The following LEPR variants were observed in gnomAD, a reference collection of about 807,000 sequenced individuals.
LEPR encodes leptin receptor, also known as OB receptor.
Under a neutral mutation model 114.7 loss-of-function variants are expected in LEPR, and 56 were observed. That is an observed-to-expected ratio of 0.49 (90% CI 0.39 to 0.61). The LOEUF (loss-of-function observed/expected upper bound fraction) is 0.61, where lower values mean the gene tolerates loss of function less well. LEPR is among the 20% of genes least tolerant of loss of function. The pLI is 0.00. For synonymous variants in LEPR, 443 were observed against 461.4 expected, an observed-to-expected ratio of 0.96 and a Z score of 0.51; for missense variants, 1,202 against 1,352.9, an observed-to-expected ratio of 0.89 and a Z score of 1.75.
At chr1:65,488,970 A>G (rs1044239056) in intron 2 of LEPR, among the ~76,000 whole-genome samples, 3 of 152,144 alleles carry the variant, frequency 2.0e-5, no homozygotes, top group Non-Finnish European at 1.5e-5. Context: ...TTATTGCTGA[A>G]TAATACTTCA....
chr1:65,459,122 GA>G (rs1246900695), intron 2 of LEPR, among the ~76,000 whole-genome samples: 2 of 152,170 alleles, frequency 1.3e-5, no homozygotes, highest in South Asian at 2.1e-4. Context: ...AGTGTAGAAA[GA>G]TTTTTTTTGT....
rs372021655 is a variant in LEPR at position 65,609,928 on chromosome 1, G to A, written c.1753-19G>A. On this transcript the variant is annotated intron_variant, in intron 12 of 19. Transcript: ENST00000349533. Reference sequence around the variant, plus strand: ...ATGTGTTGGTAATGATCAATCTAATGCTTTGACTTATTTTACAGATGTATG... The same window carrying A: ...ATGTGTTGGTAATGATCAATCTAATACTTTGACTTATTTTACAGATGTATG... 17 of 1,613,986 alleles carry A rather than the reference G, an allele frequency of 1.1e-5. No homozygotes were observed. In the African/African-American group the frequency reaches 1.1e-4, roughly 10 times the overall value.
chr1:65,607,261 T>C (rs1017719130), intron 11 of LEPR, among the ~76,000 whole-genome samples: 1 of 152,206 alleles, frequency 6.6e-6, no homozygotes, highest in Non-Finnish European at 1.5e-5. Context: ...GCTTCCCTTT[T>C]TGCTACTGCA....
intron 6 of LEPR, among the ~76,000 whole-genome samples, chr1:65,595,599 T>G (rs1656011741): frequency 6.6e-6 from 1 of 152,142 alleles, no homozygotes; most frequent in Admixed American, 6.5e-5. Context: ...AGGAAAATTG[T>G]GACCAAATTC....
In LEPR at chr1:65,545,627, A is replaced by G. The variant is rs560010781; in HGVS notation, c.-20-19919A>G. Among the ~76,000 whole-genome samples the G allele has an allele frequency of 4.6e-5, 7 of 152,276 alleles. No homozygotes were observed. In the East Asian group the frequency reaches 9.7e-4, roughly 21 times the overall value. On this transcript the variant is annotated intron_variant, in intron 2 of 19. Transcript: ENST00000349533. The stretch of plus-strand genomic sequence containing the variant: ...CTTCTTTTGAGAAGTGTCTGTTCAT[A>G]TCCTTTGCCCACTTTTTGATGGGGT...
At chr1:65,438,608 A>G (rs566699107) in intron 2 of LEPR, among the ~76,000 whole-genome samples, 8 of 151,980 alleles carry the variant, frequency 5.3e-5, no homozygotes, top group Middle Eastern at 3.4e-3. Context: ...AGTGGCCCCT[A>G]ATACAGTGGG....
intron 2 of LEPR, among the ~76,000 whole-genome samples, chr1:65,463,720 C>T (rs944450234): frequency 6.6e-6 from 1 of 152,220 alleles, no homozygotes; most frequent in African/African-American, 2.4e-5. Flanking sequence ...TTGTAGTTCT[C>T]CTTGAAGAGG....
intron 3 of LEPR, among the ~76,000 whole-genome samples, chr1:65,570,125 T>C (rs1654053670): frequency 6.6e-6 from 1 of 152,240 alleles, no homozygotes; most frequent in Non-Finnish European, 1.5e-5. Context: ...TCATTTATAA[T>C]GGAAGCTAGA....
chr1:65,434,299 AT>A, intron 2 of LEPR: 1 of 984,148 alleles, frequency 1.0e-6, no homozygotes. Flanking sequence ...AATGTTGGAC[AT>A]TTTTTTCCTT....
chr1:65,434,495 CAA>C (rs1646531714), intron 2 of LEPR: 1 of 984,994 alleles, frequency 1.0e-6, no homozygotes, highest in Non-Finnish European at 1.2e-6. Flanking sequence ...TCCACAGAAA[CAA>C]TACTATGAAT....
intron 2 of LEPR, among the ~76,000 whole-genome samples, chr1:65,443,543 T>G (rs1646676199): frequency 6.6e-6 from 1 of 151,826 alleles, no homozygotes; most frequent in Non-Finnish European, 1.5e-5. Flanking sequence ...GTATATAAGC[T>G]CTAAATATAT....
At chr1:65,566,795 T>C (rs2100789307) in intron 3 of LEPR, among the ~76,000 whole-genome samples, 1 of 152,342 alleles carries the variant, frequency 6.6e-6, no homozygotes, top group South Asian at 2.1e-4. Context: ...AGCTTCCCTA[T>C]AGGTCTTCCT....
chr1:65,612,556 T>C (rs570693340), intron 14 of LEPR, among the ~76,000 whole-genome samples: 8 of 152,052 alleles, frequency 5.3e-5, no homozygotes, highest in Non-Finnish European at 1.2e-4. Flanking sequence ...AATTGAGAAG[T>C]ACTGGTCGGG....
At chr1:65,583,018 T>C (rs1000080591) in intron 5 of LEPR, among the ~76,000 whole-genome samples, 1 of 147,958 alleles carries the variant, frequency 6.8e-6, no homozygotes, top group African/African-American at 2.5e-5. Flanking sequence ...TCTCCTGTGA[T>C]AAACAACTAG....
intron 2 of LEPR, among the ~76,000 whole-genome samples, chr1:65,547,397 T>G (rs892157604): frequency 6.6e-6 from 1 of 152,142 alleles, no homozygotes; most frequent in Non-Finnish European, 1.5e-5. Context: ...AGTTCCTCCT[T>G]GTACCTCTGG....
At chr1:65,624,464 T>C (rs1658075917) in intron 19 of LEPR, among the ~76,000 whole-genome samples, 1 of 152,194 alleles carries the variant, frequency 6.6e-6, no homozygotes, top group Non-Finnish European at 1.5e-5. Flanking sequence ...AGCTGTTCTC[T>C]ATAGCAGTGG....
intron 5 of LEPR, among the ~76,000 whole-genome samples, chr1:65,591,434 A>G (rs10449758): frequency 0.5 from 76,389 of 151,840 alleles, 20,033 homozygotes; most frequent in East Asian, 0.88. Context: ...AAATTAATCA[A>G]TAATTGTGGA....
chr1:65,608,950 T>A, intron 12 of LEPR, 49 bp downstream of exon 12: 2 of 1,607,864 alleles, frequency 1.2e-6, no homozygotes, highest in Non-Finnish European at 1.7e-6. Context: ...GCTATTTTTA[T>A]AATATGTAAG....
At position 65,618,015 on chromosome 1, in the gene LEPR, T is replaced by A; in HGVS notation, c.2264T>A (p.Ile755Asn). 1 of 1,613,158 alleles carries A rather than the reference T, an allele frequency of 6.2e-7. No individual in the cohort carries two copies. Among genetic ancestry groups the A allele is most frequent in the Non-Finnish European group, 8.5e-7 (1 of 1,179,594 alleles). The change falls in exon 16 of 20, where the codon ATT becomes AAT. Residue 755 changes from isoleucine to asparagine, a missense_variant. By Grantham distance (149) the Ile-to-Asn change is moderately radical. Coordinates refer to ENST00000349533, the MANE Select transcript of LEPR (RefSeq NM_002303.6). ...SAYPLNSSCV[I>N]VSWILSPSDY... ...TATCCTTTAAACAGCAGTTGTGTGA[T>A]TGTTTCCTGGATACTATCACCCAGT...
Sources: allele counts gnomAD v4.1 joint callset (sites outside exome capture counted in the v4.1 genomes callset), GRCh38; gene constraint gnomAD v4.1.1; transcripts MANE v1.5; gene names NCBI Gene and HGNC (gene_info 2026-07-23, HGNC 2026-07-21).